The following SLC12A3 variants were observed in gnomAD, a reference collection of about 807,000 sequenced individuals.
SLC12A3 encodes the protein solute carrier family 12 member 3.
SLC12A3 carries 104 observed loss-of-function variants against 121.0 expected under a neutral mutation model. The observed-to-expected ratio is 0.86, with a 90% confidence interval of 0.73 to 1.01. The LOEUF is 1.01. Ranked by LOEUF, SLC12A3 falls within the 50% of genes least tolerant of loss-of-function variation. The pLI is 0.00. For synonymous variants in SLC12A3, 536 were observed against 533.4 expected (o/e 1.00, Z -0.07); for missense variants, 1,328 against 1,356.3 (o/e 0.98, Z 0.33).
chr16:56,909,807 A>G (rs1410882365), intron 25 of SLC12A3, among the ~76,000 whole-genome samples: 5 of 151,112 alleles, frequency 3.3e-5, no homozygotes, highest in Non-Finnish European at 7.4e-5. Flanking sequence ...AAAAAAAAAA[A>G]TCTCCCAAGC....
intron 2 of SLC12A3, 37 bp downstream of exon 2, chr16:56,867,253 T>C (rs1203220654): frequency 1.9e-6 from 3 of 1,574,552 alleles, no homozygotes; most frequent in Non-Finnish European, 2.6e-6. Flanking sequence ...TGTCCAGAAA[T>C]GGGGGTGGGG....
chr16:56,894,999 G>C (rs8060907), intron 22 of SLC12A3, among the ~76,000 whole-genome samples: 1 of 149,234 alleles, frequency 6.7e-6, no homozygotes, highest in South Asian at 2.1e-4. Context: ...TTAAAGTTAA[G>C]AAAAGACAAG....
Position 56,867,347 on chromosome 16 carries a change from A to T in SLC12A3, c.429+131A>T. ...CCCCATCTGTACAATGAATTCAATG[A>T]GTTAATAGATCAATAGACAATAGAT... On this transcript the variant is annotated intron_variant, in intron 2 of 25. Coordinates refer to ENST00000563236, the MANE Select transcript of SLC12A3 (RefSeq NM_001126108.2). 3.2e-6 allele frequency: 3 copies of T among 924,884 alleles called. No individual in the cohort carries two copies. The South Asian group carries it at 4.9e-5, about 15-fold the overall frequency. The allele number at this position is 924,884 out of a possible 1,614,324, so 57.3% of individuals were successfully genotyped here. A position where few individuals can be genotyped will look rare whatever the true frequency, so the allele number is the denominator to read the frequency against.
chr16:56,886,803 C>T (rs1335086198), intron 16 of SLC12A3, 150 bp from the exon 17 acceptor site: 2 of 1,037,898 alleles, frequency 1.9e-6, no homozygotes, highest in East Asian at 5.2e-5. Flanking sequence ...TTCTCCCCCA[C>T]TCCTTGTGTT....
Position 56,870,674 on chromosome 16 carries a change from G to A in SLC12A3, c.790G>A (p.Ala264Thr), listed in dbSNP as rs1323697975. 1.2e-6 allele frequency: 2 copies of A among 1,614,010 alleles called. No individual in the cohort carries two copies. The highest frequency in any genetic ancestry group is 1.7e-6 in the Non-Finnish European group (2 of 1,179,898). The change falls in exon 6 of 26, where the codon GCC (alanine) becomes ACC (threonine). Residue 264 changes from alanine (A) to threonine (T), a missense_variant. Physicochemically the swap from Ala to Thr is moderately conservative, Grantham distance 58. Coordinates refer to ENST00000563236, the MANE Select transcript of SLC12A3 (RefSeq NM_001126108.2). The stretch of plus-strand genomic sequence containing the variant: ...CCCCATTAACGACATCCGCATCATT[G>A]CCGTGGTCTCGGTCACTGTGCTGCT... ...VDPINDIRII[A>T]VVSVTVLLAI... is the part of the protein sequence containing the mutation.
At chr16:56,905,641 C>G (rs2055598814) in intron 25 of SLC12A3, among the ~76,000 whole-genome samples, 1 of 152,086 alleles carries the variant, frequency 6.6e-6, no homozygotes, top group African/African-American at 2.4e-5. Context: ...TTTGCAAGGC[C>G]TAGGACAAAA....
chr16:56,887,989 C>T lies in SLC12A3; in HGVS notation c.2243C>T (p.Ser748Leu), dbSNP rs771544107. The T allele has an allele frequency of 5.0e-5, 80 of 1,611,784 alleles. No individual in the cohort carries two copies. Among genetic ancestry groups the T allele is most frequent in the East Asian group, 6.7e-5 (3 of 44,780 alleles). ...GTTGGGTTCAAGAAGAACTGGCAGT[C>T]GGCTCACCCGGCCACAGTGGAAGAC... The part of the protein sequence containing the change: ...LVVGFKKNWQ[S>L]AHPATVEDYI... Residue 748 changes from serine (S) to leucine (L), a missense_variant, in exon 18 of 26, where the codon TCG becomes TTG. Ser to Leu is a moderately radical substitution (Grantham distance 145). Transcript: ENST00000563236.
intron 1 of SLC12A3, among the ~76,000 whole-genome samples, chr16:56,865,841 G>A (rs530666278): frequency 4.6e-4 from 70 of 152,340 alleles, no homozygotes; most frequent in African/African-American, 1.6e-3. Context: ...TCACCTCAGA[G>A]AGAGGGCTCG....
intron 17 of SLC12A3, among the ~76,000 whole-genome samples, chr16:56,887,346 A>G (rs370719713): frequency 4.5e-4 from 69 of 152,194 alleles, no homozygotes; most frequent in African/African-American, 1.6e-3. Flanking sequence ...CTGGGATTAC[A>G]GGCACCCACC....
chr16:56,874,614 A>G (rs189573887), intron 8 of SLC12A3, among the ~76,000 whole-genome samples: 2 of 152,336 alleles, frequency 1.3e-5, no homozygotes, highest in African/African-American at 4.8e-5. Context: ...CAGCCTGGCT[A>G]ACATGATGAA....
chr16:56,901,474 G>A (rs902178149), intron 23 of SLC12A3, among the ~76,000 whole-genome samples: 1 of 151,816 alleles, frequency 6.6e-6, no homozygotes. Flanking sequence ...TGAGTAGCTG[G>A]GATTACAGGT....
intron 8 of SLC12A3, among the ~76,000 whole-genome samples, chr16:56,874,186 C>G (rs545373157): frequency 5.3e-5 from 8 of 152,216 alleles, no homozygotes; most frequent in Non-Finnish European, 1.2e-4. Context: ...CTGGCACATA[C>G]TAGGTGCTCT....
chr16:56,901,483 G>T (rs2055538232), intron 23 of SLC12A3, among the ~76,000 whole-genome samples: 1 of 152,082 alleles, frequency 6.6e-6, no homozygotes, highest in South Asian at 2.1e-4. Flanking sequence ...GGGATTACAG[G>T]TGTGTGCCAC....
intron 15 of SLC12A3, among the ~76,000 whole-genome samples, chr16:56,885,624 G>A (rs1467867711): frequency 6.6e-6 from 1 of 152,158 alleles, no homozygotes; most frequent in African/African-American, 2.4e-5. Flanking sequence ...GTGTTGAGGT[G>A]ATTGTTGCTG....
intron 13 of SLC12A3, among the ~76,000 whole-genome samples, chr16:56,883,312 G>C (rs2055265994): frequency 6.9e-6 from 1 of 144,476 alleles, no homozygotes; most frequent in Non-Finnish European, 1.5e-5. Flanking sequence ...ACGGAGTCTG[G>C]CTCTGTTGTC....
chr16:56,907,873 G>A (rs2055628064), intron 25 of SLC12A3, among the ~76,000 whole-genome samples: 1 of 152,184 alleles, frequency 6.6e-6, no homozygotes, highest in Admixed American at 6.5e-5. Context: ...TCAGACTGTA[G>A]CAAATGGTTC....
intron 4 of SLC12A3, 40 bp downstream of exon 4, chr16:56,869,864 G>T (rs770752636): frequency 2.4e-5 from 38 of 1,568,346 alleles, no homozygotes; most frequent in Non-Finnish European, 3.2e-5. Flanking sequence ...TCCTCTCGTG[G>T]GCTCCTAATC....
rs188475492 is a variant in SLC12A3, at chr16:56,891,945, C to T, written c.2369-138C>T. On this transcript the variant is annotated intron_variant, in intron 19 of 25. Coordinates refer to ENST00000563236, the MANE Select transcript of SLC12A3 (RefSeq NM_001126108.2). ...GAGGCAGGTCAGAGGGAGGCCAAGG[C>T]CAGGTGCAGTGGGGCTGTGGAGGCC... 14 of 751,434 alleles carry T rather than the reference C, an allele frequency of 1.9e-5. No individual in the cohort carries two copies. In the East Asian group the frequency reaches 3.0e-4, roughly 16 times the overall value. The allele number at this position is 751,434 out of a possible 1,614,324, so 46.5% of individuals were successfully genotyped here. A position where few individuals can be genotyped will look rare whatever the true frequency, so the allele number is the denominator to read the frequency against.
chr16:56,883,953 C>A (rs1451009923), intron 13 of SLC12A3, 96 bp from the exon 14 acceptor site: 2 of 1,375,958 alleles, frequency 1.5e-6, no homozygotes, highest in Non-Finnish European at 2.0e-6. Flanking sequence ...CGGCTCTGGG[C>A]ACTGCTGGCA....
Sources: gnomAD v4.1 joint callset for allele counts (sites outside exome capture counted in the v4.1 genomes callset) on GRCh38, gnomAD v4.1.1 for gene constraint, MANE v1.5 for transcripts, NCBI Gene and HGNC (gene_info 2026-07-23, HGNC 2026-07-21) for gene names.